Variants in MEIS2 observed in about 807,000 individuals in gnomAD.
The protein encoded by MEIS2 is homeobox protein Meis2.
In MEIS2, 9 loss-of-function variants were observed where a neutral mutation model predicts 58.6. The ratio of observed to expected loss-of-function variants is 0.15; its 90% CI spans 0.09 to 0.27. The LOEUF is 0.27. MEIS2 is among the 10% of genes least tolerant of loss of function. MEIS2 has a pLI of 1.00. For synonymous variants in MEIS2, 221 were observed against 228.4 expected (o/e 0.97, Z 0.29); for missense variants, 427 against 635.0 (o/e 0.67, Z 3.52).
intron 9 of MEIS2, among the ~76,000 whole-genome samples, chr15:36,937,683 G>A (rs937800750): frequency 2.0e-5 from 3 of 152,136 alleles, no homozygotes; most frequent in African/African-American, 7.2e-5. Context: ...TCCACAGCCA[G>A]ATCAACAACA....
chr15:37,051,978 C>CAAAAA (rs34511475), intron 7 of MEIS2, among the ~76,000 whole-genome samples: 40 of 149,930 alleles, frequency 2.7e-4, no homozygotes, highest in African/African-American at 9.8e-4. Context: ...ATCCAAGTTG[C>CAAAAA]AAAAAAAAAA....
At chr15:36,905,632 TA>T (rs994056117) in intron 9 of MEIS2, among the ~76,000 whole-genome samples, 21 of 152,086 alleles carry the variant, frequency 1.4e-4, no homozygotes, top group Admixed American at 7.9e-4. Flanking sequence ...GTTTTAATCC[TA>T]AAAAAAATTA....
intron 4 of MEIS2, 66 bp from the exon 5 acceptor site, chr15:37,094,643 G>C: frequency 7.0e-7 from 1 of 1,424,332 alleles, no homozygotes; most frequent in South Asian, 1.2e-5. Flanking sequence ...TTGGGGTTGG[G>C]AGTGGGGTGA....
intron 9 of MEIS2, among the ~76,000 whole-genome samples, chr15:36,941,446 T>C (rs2058373037): frequency 1.3e-5 from 2 of 152,158 alleles, no homozygotes; most frequent in African/African-American, 4.8e-5. Context: ...TCCTTATGCA[T>C]TGTGTTGCAT....
chr15:36,944,730 G>C (rs1268428890), intron 9 of MEIS2, among the ~76,000 whole-genome samples: 1 of 152,080 alleles, frequency 6.6e-6, no homozygotes, highest in Non-Finnish European at 1.5e-5. Context: ...GATGTTACTT[G>C]GAAATAATCA....
intron 9 of MEIS2, among the ~76,000 whole-genome samples, chr15:36,922,624 T>C (rs886532277): frequency 6.8e-6 from 1 of 147,272 alleles, no homozygotes; most frequent in Non-Finnish European, 1.5e-5. Context: ...TCTTTCTTTT[T>C]TTTTTTTTTT....
At chr15:37,030,912 G>T (rs1462776210) in intron 8 of MEIS2, among the ~76,000 whole-genome samples, 5 of 152,094 alleles carry the variant, frequency 3.3e-5, no homozygotes, top group South Asian at 2.1e-4. Flanking sequence ...AAGTGTTGGG[G>T]TTAAAGGCAT....
chr15:36,956,021 CAAAAA>C (rs757524401), intron 8 of MEIS2, among the ~76,000 whole-genome samples: 9 of 46,618 alleles, frequency 1.9e-4, no homozygotes, highest in African/African-American at 6.1e-4. Flanking sequence ...ACTAAAAATA[CAAAAA>C]AAAAAAAAAA....
chr15:37,010,126 T>G (rs559962110), intron 8 of MEIS2, among the ~76,000 whole-genome samples: 1 of 152,048 alleles, frequency 6.6e-6, no homozygotes, highest in Non-Finnish European at 1.5e-5. Context: ...CTTGTTCTGT[T>G]GCCCAGGCTG....
chr15:36,893,745 C>T (rs1392092109), intron 11 of MEIS2, among the ~76,000 whole-genome samples: 2 of 152,072 alleles, frequency 1.3e-5, no homozygotes, highest in Non-Finnish European at 2.9e-5. Context: ...CATTTTTTGA[C>T]TGCATTAGTA....
intron 8 of MEIS2, among the ~76,000 whole-genome samples, chr15:36,957,041 T>G (rs1035490095): frequency 3.3e-5 from 5 of 152,166 alleles, no homozygotes; most frequent in Admixed American, 3.3e-4. Context: ...AATTGAAGAT[T>G]TTTTAAAAGT....
chr15:36,967,632 A>C (rs577037322), intron 8 of MEIS2, among the ~76,000 whole-genome samples: 2 of 152,326 alleles, frequency 1.3e-5, no homozygotes, highest in South Asian at 2.1e-4. Context: ...AAGGCCTTTC[A>C]CAATATCCCA....
chr15:37,092,518 T>C (rs1412021856), intron 6 of MEIS2, among the ~76,000 whole-genome samples: 1 of 151,940 alleles, frequency 6.6e-6, no homozygotes, highest in Non-Finnish European at 1.5e-5. Context: ...TTATTTAGGC[T>C]GTGAGTTCAA....
chr15:37,099,004 A>G lies in MEIS2; in HGVS notation c.12+451T>C, dbSNP rs1474751279. The G allele has an allele frequency of 4.1e-6, 4 of 983,464 alleles. No individual in the cohort carries two copies. The East Asian group carries it at 4.6e-4, about 112-fold the overall frequency. The allele number at this position is 983,464 out of a possible 1,614,324, so 60.9% of individuals were successfully genotyped here. On this transcript the variant is annotated intron_variant, in intron 1 of 11. Transcript: ENST00000561208. ...TAGGCGGCGGCGCAGCGGCTGCGGC[A>G]GCGCGGCCCCAGCGGCGGCCCCGGC...
At chr15:37,004,689 C>A (rs2060853411) in intron 8 of MEIS2, among the ~76,000 whole-genome samples, 1 of 152,192 alleles carries the variant, frequency 6.6e-6, no homozygotes. Context: ...CAGAACAAGA[C>A]CCAGACTTGG....
intron 7 of MEIS2, among the ~76,000 whole-genome samples, chr15:37,048,905 T>C (rs2062791769): frequency 6.6e-6 from 1 of 152,202 alleles, no homozygotes; most frequent in Non-Finnish European, 1.5e-5. Context: ...ATTTGGAACA[T>C]ATTTGTTAGC....
At chr15:37,074,352 A>G (rs920995952) in intron 7 of MEIS2, among the ~76,000 whole-genome samples, 5 of 152,042 alleles carry the variant, frequency 3.3e-5, no homozygotes, top group Non-Finnish European at 7.4e-5. Flanking sequence ...AAAAACAAGA[A>G]ACAGAAATAT....
Position 36,896,615 on chromosome 15 carries a change from A to G in MEIS2, c.1036+13T>C. 1 of 1,605,816 alleles carries G rather than the reference A, an allele frequency of 6.2e-7. No individual in the cohort carries two copies. The highest frequency in any genetic ancestry group is 8.5e-7 in the Non-Finnish European group (1 of 1,174,730). On this transcript the variant is annotated intron_variant, in intron 10 of 11. Coordinates refer to ENST00000561208, the MANE Select transcript of MEIS2 (RefSeq NM_170675.5). ...CCTGTGGGACATAAATATAGATACT[A>G]CTTGGAACTTGCCTGCTCGATTTGA...
chr15:37,014,138 A>G (rs2061261220), intron 8 of MEIS2, among the ~76,000 whole-genome samples: 1 of 152,228 alleles, frequency 6.6e-6, no homozygotes, highest in Non-Finnish European at 1.5e-5. Flanking sequence ...ATTGCTTCAC[A>G]AACTACTGTG....
Sources: gnomAD v4.1 joint callset for allele counts (sites outside exome capture counted in the v4.1 genomes callset) on GRCh38, gnomAD v4.1.1 for gene constraint, MANE v1.5 for transcripts, NCBI Gene and HGNC (gene_info 2026-07-23, HGNC 2026-07-21) for gene names.